The following SPRED1 variants were observed in gnomAD, a reference collection of about 807,000 sequenced individuals.
SPRED1 encodes the protein sprouty related EVH1 domain containing 1, also known as sprouty-related, EVH1 domain-containing protein 1.
Under a neutral mutation model 52.3 loss-of-function variants are expected in SPRED1, and 18 were observed. The ratio of observed to expected loss-of-function variants is 0.34; its 90% CI spans 0.24 to 0.51. The LOEUF (loss-of-function observed/expected upper bound fraction) is 0.51. SPRED1 is among the 20% of genes least tolerant of loss of function. The pLI, the probability that SPRED1 is intolerant of heterozygous loss-of-function variation, is 0.97. For missense variants in SPRED1, 485 were observed against 551.0 expected (o/e 0.88, Z 1.20); for synonymous variants, 155 against 179.7 (o/e 0.86, Z 1.10).
At chr15:38,294,942 A>C (rs1249237977) in intron 1 of SPRED1, among the ~76,000 whole-genome samples, 2 of 152,212 alleles carry the variant, frequency 1.3e-5, no homozygotes, top group African/African-American at 4.8e-5. Flanking sequence ...GGTTCACAAA[A>C]TTAATCTTTG....
At chr15:38,275,230 A>G (rs1026841199) in intron 1 of SPRED1, among the ~76,000 whole-genome samples, 8 of 152,052 alleles carry the variant, frequency 5.3e-5, no homozygotes, top group Non-Finnish European at 1.2e-4. Flanking sequence ...CACTGTCATC[A>G]TTTTTATGCT....
chr15:38,284,716 C>T (rs1398866963), intron 1 of SPRED1, among the ~76,000 whole-genome samples: 1 of 151,778 alleles, frequency 6.6e-6, no homozygotes, highest in Non-Finnish European at 1.5e-5. Flanking sequence ...CTTCACTATT[C>T]CTTGAGTAAA....
chr15:38,345,091 A>G lies in SPRED1; in HGVS notation c.583-4331A>G, dbSNP rs1285307832. ...GCAGTTTTCCATTTGTATGTGACCA[A>G]GAAGGCCTCACAGGATGAGTTTTTC... On this transcript the variant is annotated intron_variant, in intron 5 of 6. Transcript: ENST00000299084. Among the ~76,000 whole-genome samples the G allele has an allele frequency of 3.9e-5, 6 of 152,216 alleles. No individual in the cohort carries two copies. In the South Asian group the frequency reaches 8.3e-4, roughly 21 times the overall value.
At chr15:38,269,014 A>G (rs1441779726) in intron 1 of SPRED1, among the ~76,000 whole-genome samples, 2 of 143,960 alleles carry the variant, frequency 1.4e-5, no homozygotes, top group African/African-American at 2.6e-5. Context: ...GATCTCGGCT[A>G]CTGCAAGCCC....
At chr15:38,273,965 A>G (rs1454627062) in intron 1 of SPRED1, among the ~76,000 whole-genome samples, 1 of 152,190 alleles carries the variant, frequency 6.6e-6, no homozygotes, top group African/African-American at 2.4e-5. Context: ...TCCCGTCACT[A>G]CTTCTATTTT....
intron 2 of SPRED1, among the ~76,000 whole-genome samples, chr15:38,314,191 A>G (rs948937749): frequency 3.9e-5 from 6 of 151,962 alleles, no homozygotes; most frequent in Middle Eastern, 3.4e-3. Flanking sequence ...CATGTGTCCC[A>G]TAGGTCAGAT....
chr15:38,273,456 CA>C (rs1894480529), intron 1 of SPRED1, among the ~76,000 whole-genome samples: 8 of 150,080 alleles, frequency 5.3e-5, no homozygotes, highest in Non-Finnish European at 8.9e-5. Context: ...AGCTCAGGAT[CA>C]AATGAATATC....
chr15:38,252,941 CTG>C lies in SPRED1; in HGVS notation c.-244_-243del, dbSNP rs1263410181. ...CCTCCTCGGATCCCTTGGCTGGGCA[CTG>C]AGGCGGGGGAAGAGGCTGGGGTCGC... On this transcript the variant is annotated 5_prime_UTR_variant, in exon 1 of 7. Transcript: ENST00000299084. The C allele has an allele frequency of 3.4e-6, 2 of 589,094 alleles. No individual in the cohort carries two copies. The highest frequency in any genetic ancestry group is 6.0e-6 in the Non-Finnish European group (2 of 331,426). The allele number at this position is 589,094 out of a possible 1,614,324, so 36.5% of individuals were successfully genotyped here.
chr15:38,314,400 TAA>T (rs1392257449), intron 2 of SPRED1, among the ~76,000 whole-genome samples: 1 of 151,856 alleles, frequency 6.6e-6, no homozygotes, highest in Non-Finnish European at 1.5e-5. Flanking sequence ...CCTTTTAGCC[TAA>T]GAGTCCATTT....
At chr15:38,338,134 C>T (rs1895958098) in intron 4 of SPRED1, among the ~76,000 whole-genome samples, 3 of 150,508 alleles carry the variant, frequency 2.0e-5, no homozygotes, top group Admixed American at 1.3e-4. Context: ...TTGCTTGAAC[C>T]TGGGAGGTGG....
intron 1 of SPRED1, among the ~76,000 whole-genome samples, chr15:38,260,679 A>C (rs189070699): frequency 1.1e-4 from 17 of 152,380 alleles, no homozygotes; most frequent in Admixed American, 8.5e-4. Context: ...AAAATATTTC[A>C]ATAACTATGT....
intron 1 of SPRED1, among the ~76,000 whole-genome samples, chr15:38,283,343 T>A (rs956606401): frequency 2.0e-5 from 3 of 152,098 alleles, no homozygotes; most frequent in African/African-American, 7.2e-5. Context: ...CCTTGACATG[T>A]GGGGATTACA....
intron 1 of SPRED1, chr15:38,283,642 A>C (rs2092580744): frequency 1.2e-5 from 5 of 402,268 alleles, no homozygotes; most frequent in African/African-American, 8.7e-5. Flanking sequence ...AGTGAAGCTG[A>C]GAGTGTGATA....
chr15:38,272,617 T>C (rs1894461828), intron 1 of SPRED1, among the ~76,000 whole-genome samples: 2 of 152,162 alleles, frequency 1.3e-5, no homozygotes, highest in African/African-American at 4.8e-5. Flanking sequence ...TCCAAACTGC[T>C]CTCCACAGTG....
At chr15:38,330,234 AC>A (rs1483031281) in intron 4 of SPRED1, among the ~76,000 whole-genome samples, 1 of 152,094 alleles carries the variant, frequency 6.6e-6, no homozygotes, top group Non-Finnish European at 1.5e-5. Flanking sequence ...GTTTTCCTTT[AC>A]CACTATTGCC....
intron 4 of SPRED1, among the ~76,000 whole-genome samples, chr15:38,327,737 A>G (rs1041373348): frequency 1.3e-5 from 2 of 152,226 alleles, no homozygotes; most frequent in African/African-American, 2.4e-5. Context: ...ATGAGCCAGA[A>G]TCACCCAGCT....
chr15:38,286,013 G>C (rs1477666986), intron 1 of SPRED1, among the ~76,000 whole-genome samples: 2 of 152,102 alleles, frequency 1.3e-5, no homozygotes, highest in Non-Finnish European at 2.9e-5. Context: ...GGAGGCCAAG[G>C]AGGGAGGTTT....
intron 2 of SPRED1, among the ~76,000 whole-genome samples, chr15:38,318,134 C>T (rs1226442023): frequency 1.3e-5 from 2 of 151,970 alleles, no homozygotes; most frequent in African/African-American, 4.8e-5. Flanking sequence ...TTTTTCTATT[C>T]CACTGCCTAT....
chr15:38,255,894 G>A (rs1354882349), intron 1 of SPRED1, among the ~76,000 whole-genome samples: 1 of 152,008 alleles, frequency 6.6e-6, no homozygotes, highest in African/African-American at 2.4e-5. Flanking sequence ...CAACCTTCAA[G>A]AAAAGTGAAA....
Sources: gnomAD v4.1 joint callset for allele counts (sites outside exome capture counted in the v4.1 genomes callset) on GRCh38, gnomAD v4.1.1 for gene constraint, MANE v1.5 for transcripts, NCBI Gene and HGNC (gene_info 2026-07-23, HGNC 2026-07-21) for gene names.